The following CAPN2 variants were observed in gnomAD, a reference collection of about 807,000 sequenced individuals.
CAPN2 encodes the protein calpain 2.
A neutral mutation model predicts 102.3 loss-of-function variants in CAPN2; 92 were observed. The ratio of observed to expected loss-of-function variants is 0.90; its 90% CI spans 0.76 to 1.07. CAPN2 has a LOEUF of 1.07. CAPN2 is among the 50% of genes least tolerant of loss of function. The pLI, the probability that CAPN2 is intolerant of heterozygous loss-of-function variation, is 0.00. For missense variants in CAPN2, 800 were observed against 909.4 expected, an observed-to-expected ratio of 0.88 and a Z score of 1.55; for synonymous variants, 340 against 355.4, an observed-to-expected ratio of 0.96 and a Z score of 0.49.
At chr1:223,762,359 C>A in intron 14 of CAPN2, 108 bp downstream of exon 14, 1 of 892,282 alleles carries the variant, frequency 1.1e-6, no homozygotes, top group South Asian at 1.5e-5. Context: ...ACAAACTGAA[C>A]AAAAGCAAAG....
upstream of CAPN2, chr1:223,712,385 C>A: frequency 1.0e-6 from 1 of 977,530 alleles, no homozygotes; most frequent in Non-Finnish European, 1.2e-6. Flanking sequence ...ATGGCAGCAC[C>A]GGCCCCGGGT....
chr1:223,769,084 A>G (rs1407568350), intron 16 of CAPN2, among the ~76,000 whole-genome samples: 1 of 152,108 alleles, frequency 6.6e-6, no homozygotes, highest in Non-Finnish European at 1.5e-5. Flanking sequence ...GGGGCAGCCT[A>G]AGCTTCTGTG....
At chr1:223,769,375 C>T (rs1571821707) in intron 16 of CAPN2, among the ~76,000 whole-genome samples, 3 of 152,108 alleles carry the variant, frequency 2.0e-5, no homozygotes, top group East Asian at 3.9e-4. Flanking sequence ...CCCACCTTGG[C>T]CTCCCAAAGT....
rs941127161 is a variant in CAPN2 at position 223,756,972 on chromosome 1, G to T, written c.1306-397G>T. 6.6e-6 allele frequency among the ~76,000 whole-genome samples: 1 copy of T among 152,146 alleles called. No homozygotes were observed. Among genetic ancestry groups the T allele is most frequent in the Non-Finnish European group, 1.5e-5 (1 of 68,024 alleles). ...GGACTTGCTCAAGGAAATGCAGACC[G>T]GACCACTGGACCTGGCTGACAGAGG... is the stretch of plus-strand genomic sequence containing the variant. On this transcript the variant is annotated intron_variant, in intron 10 of 20. Transcript: ENST00000295006. This position sits in a 1 kb window ranked among gnomAD's most constrained non-coding sequence, Gnocchi z 4.1.
At chr1:223,706,264 A>G (rs1013804495) in intron 1 of CAPN2, among the ~76,000 whole-genome samples, 1 of 152,160 alleles carries the variant, frequency 6.6e-6, no homozygotes, top group Non-Finnish European at 1.5e-5. Flanking sequence ...ATGCCTCTTC[A>G]GCTCTTGGAA....
chr1:223,721,786 G>A (rs1660056411), intron 2 of CAPN2, among the ~76,000 whole-genome samples: 1 of 152,162 alleles, frequency 6.6e-6, no homozygotes, highest in South Asian at 2.1e-4. Context: ...CACTTATTTG[G>A]ACCCAACCCC....
At chr1:223,765,909 C>T (rs1175439083) in intron 15 of CAPN2, among the ~76,000 whole-genome samples, 1 of 152,192 alleles carries the variant, frequency 6.6e-6, no homozygotes, top group Non-Finnish European at 1.5e-5. Context: ...GCTCGTGGAT[C>T]GATCCCAGTT....
chr1:223,771,873 C>G lies in CAPN2; in HGVS notation c.1968C>G (p.Ile656Met), dbSNP rs1266799927. Reference sequence around the variant, plus strand: ...CTCGGTTTGCAGATGACCAGCTCATCATCGATTTTGATAATTTTGTTCGGT... The same window carrying G: ...CTCGGTTTGCAGATGACCAGCTCATGATCGATTTTGATAATTTTGTTCGGT... ...IVARFADDQL[I>M]IDFDNFVRCL... The change falls in exon 19 of 21, where the codon ATC (isoleucine) becomes ATG (methionine). Residue 656 changes from isoleucine (I) to methionine (M), a missense_variant. By Grantham distance (10) the Ile-to-Met change is conservative (BLOSUM62 1). Coordinates refer to ENST00000295006, the MANE Select transcript of CAPN2 (RefSeq NM_001748.5). 40 of 1,613,994 alleles carry G rather than the reference C, an allele frequency of 2.5e-5. No homozygotes were observed. The East Asian group carries it at 8.7e-4, about 35-fold the overall frequency.
At chr1:223,722,686 A>G (rs1660086174) in intron 2 of CAPN2, among the ~76,000 whole-genome samples, 1 of 152,152 alleles carries the variant, frequency 6.6e-6, no homozygotes, top group Non-Finnish European at 1.5e-5. Context: ...TTAGGTTTAT[A>G]GAAAAGCTGA....
intron 2 of CAPN2, among the ~76,000 whole-genome samples, chr1:223,735,078 G>C (rs1015491791): frequency 2.6e-5 from 4 of 152,154 alleles, no homozygotes; most frequent in Admixed American, 1.3e-4. Flanking sequence ...CCCATCCATG[G>C]AACCCCGGTT....
Position 223,727,837 on chromosome 1 carries a change from T to A in CAPN2, c.307+10006T>A, listed in dbSNP as rs1660239024. ...AGGGCCCTCCCTGCTTCTTGGAGAA[T>A]GGTTCCACTGGCAGGCCATTCCGTC... On this transcript the variant is annotated intron_variant, in intron 2 of 20. Coordinates refer to ENST00000295006, the MANE Select transcript of CAPN2 (RefSeq NM_001748.5). This position sits in a 1 kb window ranked among gnomAD's most constrained non-coding sequence, Gnocchi z 4.1. Among the ~76,000 whole-genome samples the A allele has an allele frequency of 6.6e-6, 1 of 152,078 alleles. No individual in the cohort carries two copies. The highest frequency in any genetic ancestry group is 2.1e-4 in the South Asian group (1 of 4,826).
At chr1:223,746,473 A>ATTTTTTTTTTTT (rs1420617646) in intron 4 of CAPN2, among the ~76,000 whole-genome samples, 6 of 105,232 alleles carry the variant, frequency 5.7e-5, no homozygotes, top group Admixed American at 9.8e-5. Context: ...TTCTACGAGA[A>ATTTTTTTTTTTT]TCTTTTTTTT....
upstream of CAPN2, among the ~76,000 whole-genome samples, chr1:223,708,173 C>G (rs772535817): frequency 6.6e-6 from 1 of 152,166 alleles, no homozygotes; most frequent in Non-Finnish European, 1.5e-5. Context: ...AGAGTGCCAA[C>G]CATTACACAA....
chr1:223,701,892 AG>A (rs1223216041), intron 1 of CAPN2: 6 of 148,850 alleles, frequency 4.0e-5, no homozygotes, highest in African/African-American at 1.5e-4. Flanking sequence ...CTGTAATCCC[AG>A]CTACTCAGGA....
chr1:223,727,436 T>TA lies in CAPN2; in HGVS notation c.307+9605_307+9606insA, dbSNP rs777530144. Among the ~76,000 whole-genome samples, 44 of 152,174 alleles carry TA rather than the reference T, an allele frequency of 2.9e-4. No individual in the cohort carries two copies. The highest frequency in any genetic ancestry group is 4.7e-4 in the Non-Finnish European group (32 of 67,986). ...TCTGCAGACCTTGCCAAATGTCCCC[T>TA]GGGGGCTTGGCGGAGTTGGGGGGTG... On this transcript the variant is annotated intron_variant, in intron 2 of 20. Transcript: ENST00000295006. The surrounding 1 kb of genome is among the most constrained non-coding windows in gnomAD (Gnocchi z 4.1).
At chr1:223,744,254 G>A in intron 3 of CAPN2, 36 bp downstream of exon 3, 1 of 1,324,028 alleles carries the variant, frequency 7.6e-7, no homozygotes, top group East Asian at 2.3e-5. Flanking sequence ...TTCCTCAACA[G>A]GTCCAGGGGG....
intron 7 of CAPN2, among the ~76,000 whole-genome samples, chr1:223,751,739 G>T (rs1378555015): frequency 6.6e-6 from 1 of 152,180 alleles, no homozygotes; most frequent in Non-Finnish European, 1.5e-5. Context: ...TCATTTTCTG[G>T]ACTCTTCCTT....
At chr1:223,747,301 C>A in intron 5 of CAPN2, 136 bp downstream of exon 5, 1 of 746,584 alleles carries the variant, frequency 1.3e-6, no homozygotes, top group Non-Finnish European at 2.0e-6. Flanking sequence ...CAAAGGAAAA[C>A]CTCCCTCCAC....
At chr1:223,737,919 G>C (rs1284955349) in intron 2 of CAPN2, among the ~76,000 whole-genome samples, 1 of 151,968 alleles carries the variant, frequency 6.6e-6, no homozygotes, top group Non-Finnish European at 1.5e-5. Flanking sequence ...ATCTCACTGT[G>C]CCCCCAGGGG....
Sources: gnomAD v4.1 joint callset for allele counts (sites outside exome capture counted in the v4.1 genomes callset) on GRCh38, gnomAD v4.1.1 for gene constraint, Gnocchi (gnomAD v3.1) non-coding constraint, MANE v1.5 for transcripts, NCBI Gene and HGNC (gene_info 2026-07-23, HGNC 2026-07-21) for gene names.